PEAK1: variants seen among roughly 807,000 people sequenced by gnomAD.
PEAK1 encodes the protein pseudopodium enriched atypical kinase 1, also known as inactive tyrosine-protein kinase PEAK1.
Under a neutral mutation model 124.7 loss-of-function variants are expected in PEAK1, and 54 were observed. The ratio of observed to expected loss-of-function variants is 0.43; its 90% CI spans 0.35 to 0.54. The LOEUF is 0.54. PEAK1 is among the 20% of genes least tolerant of loss of function. The pLI is 0.01. For synonymous variants in PEAK1, 719 were observed against 760.0 expected, an observed-to-expected ratio of 0.95 and a Z score of 0.89; for missense variants, 2,046 against 2,134.5, an observed-to-expected ratio of 0.96 and a Z score of 0.82.
Position 77,351,612 on chromosome 15 carries a change from C to T in PEAK1, c.-603+13551G>A, listed in dbSNP as rs763637276. On this transcript the variant is annotated intron_variant, in intron 2 of 9. Transcript: ENST00000682557. ...GCCCGTATGCTCAGGCCCACTCCCA[C>T]ACTGTGGCATGTACGTTCATTTTCA... The T allele has an allele frequency of 1.9e-4, 140 of 720,434 alleles. 1 individual carries two copies. Among genetic ancestry groups the T allele is most frequent in the Non-Finnish European group, 2.3e-4 (135 of 588,514 alleles). 44.6% of individuals were successfully genotyped at this position (720,434 alleles called of 1,614,324 possible).
intron 6 of PEAK1, among the ~76,000 whole-genome samples, chr15:77,191,574 A>G (rs1424488753): frequency 6.6e-6 from 1 of 152,212 alleles, no homozygotes; most frequent in African/African-American, 2.4e-5. Context: ...AACATACTCC[A>G]AGTTCTGAGC....
intron 5 of PEAK1, among the ~76,000 whole-genome samples, chr15:77,278,189 G>A (rs182501178): frequency 6.6e-6 from 1 of 152,198 alleles, no homozygotes; most frequent in East Asian, 1.9e-4. Flanking sequence ...GAAGTCTTTT[G>A]AAGAAACACT....
At chr15:77,230,465 C>T (rs1440533322) in intron 6 of PEAK1, among the ~76,000 whole-genome samples, 1 of 152,142 alleles carries the variant, frequency 6.6e-6, no homozygotes, top group Non-Finnish European at 1.5e-5. Flanking sequence ...TCTCAAAGTG[C>T]TGGGATTACA....
At chr15:77,281,830 A>T (rs72742491) in intron 5 of PEAK1, among the ~76,000 whole-genome samples, 278 of 152,290 alleles carry the variant, frequency 1.8e-3, no homozygotes, top group Non-Finnish European at 3.3e-3. Flanking sequence ...CGATAAATTC[A>T]AATAACTGGG....
chr15:77,406,874 T>C (rs1169957949), intron 1 of PEAK1, among the ~76,000 whole-genome samples: 3 of 152,186 alleles, frequency 2.0e-5, no homozygotes, highest in Non-Finnish European at 2.9e-5. Context: ...CTTCAAACTA[T>C]ACTGTAAGGC....
At chr15:77,282,943 A>G (rs747287027) in intron 5 of PEAK1, among the ~76,000 whole-genome samples, 1 of 152,180 alleles carries the variant, frequency 6.6e-6, no homozygotes, top group African/African-American at 2.4e-5. Flanking sequence ...AAACCTTTGC[A>G]TATGTTTTGA....
At chr15:77,322,659 T>C (rs1022532088) in intron 2 of PEAK1, among the ~76,000 whole-genome samples, 1 of 152,004 alleles carries the variant, frequency 6.6e-6, no homozygotes, top group East Asian at 1.9e-4. Context: ...CCAAAAAAAG[T>C]CCAGGACCAG....
intron 5 of PEAK1, among the ~76,000 whole-genome samples, chr15:77,277,139 A>G (rs562094066): frequency 6.6e-6 from 1 of 152,322 alleles, no homozygotes; most frequent in East Asian, 1.9e-4. Context: ...AACTAACTAT[A>G]TCAGCAATAA....
chr15:77,341,940 C>T lies in PEAK1; in HGVS notation c.-603+23223G>A, dbSNP rs367957138. Among the ~76,000 whole-genome samples, 23 of 152,092 alleles carry T rather than the reference C, an allele frequency of 1.5e-4. No homozygotes were observed. The East Asian group carries it at 2.1e-3, about 14-fold the overall frequency. Reference sequence around the variant, plus strand: ...TCTAAAACTGATCTAAAAATTAAGACTTTATTTTTTAGAACAGTTTTAGAT... The same window carrying T: ...TCTAAAACTGATCTAAAAATTAAGATTTTATTTTTTAGAACAGTTTTAGAT... On this transcript the variant is annotated intron_variant, in intron 2 of 9. Coordinates refer to ENST00000682557, the MANE Select transcript of PEAK1 (RefSeq NM_001385026.1).
chr15:77,391,583 G>A (rs1263767994), intron 1 of PEAK1, among the ~76,000 whole-genome samples: 1 of 148,390 alleles, frequency 6.7e-6, no homozygotes, highest in Non-Finnish European at 1.5e-5. Context: ...AAAGCAATAT[G>A]ATTTGATGGT....
intron 2 of PEAK1, among the ~76,000 whole-genome samples, chr15:77,340,703 T>A (rs996941014): frequency 9.9e-5 from 15 of 152,194 alleles, no homozygotes; most frequent in African/African-American, 3.4e-4. Context: ...GTTTCAACCA[T>A]AACAGTGTAT....
chr15:77,220,803 C>T (rs2059353858), intron 6 of PEAK1, among the ~76,000 whole-genome samples: 1 of 151,906 alleles, frequency 6.6e-6, no homozygotes, highest in Non-Finnish European at 1.5e-5. Flanking sequence ...CTATATGTCT[C>T]ATAGACAGTA....
At chr15:77,285,716 AT>A (rs550452119) in intron 3 of PEAK1, among the ~76,000 whole-genome samples, 53 of 151,030 alleles carry the variant, frequency 3.5e-4, no homozygotes, top group East Asian at 5.8e-4. Flanking sequence ...CCCCTATGTC[AT>A]TTTTTTTTAT....
At chr15:77,387,031 C>T (rs1434265394) in intron 1 of PEAK1, among the ~76,000 whole-genome samples, 5 of 152,126 alleles carry the variant, frequency 3.3e-5, no homozygotes, top group African/African-American at 7.2e-5. Flanking sequence ...AAAGTGCAGA[C>T]GTATAAGTTT....
At chr15:77,279,270 T>A (rs1248335805) in intron 5 of PEAK1, among the ~76,000 whole-genome samples, 4 of 151,966 alleles carry the variant, frequency 2.6e-5, no homozygotes, top group South Asian at 2.1e-4. Context: ...TTGAGAGACT[T>A]CTTCTTGGAT....
chr15:77,311,822 G>A (rs2064485518), intron 2 of PEAK1, among the ~76,000 whole-genome samples: 1 of 152,030 alleles, frequency 6.6e-6, no homozygotes, highest in Admixed American at 6.6e-5. Context: ...GGATAGCCAC[G>A]CAGGTTCAGA....
intron 1 of PEAK1, among the ~76,000 whole-genome samples, chr15:77,372,727 T>C (rs1211921346): frequency 6.6e-6 from 1 of 152,112 alleles, no homozygotes; most frequent in African/African-American, 2.4e-5. Context: ...TAATCCCCAA[T>C]GTTGGAGGTG....
At chr15:77,269,002 C>A (rs1469205621) in intron 5 of PEAK1, among the ~76,000 whole-genome samples, 1 of 151,824 alleles carries the variant, frequency 6.6e-6, no homozygotes, top group Non-Finnish European at 1.5e-5. Context: ...ACTACGAGCA[C>A]CGCTAAAAGG....
At chr15:77,183,359 G>T (rs577188654) in intron 6 of PEAK1, among the ~76,000 whole-genome samples, 1 of 152,238 alleles carries the variant, frequency 6.6e-6, no homozygotes, top group African/African-American at 2.4e-5. Flanking sequence ...TCTACAAATT[G>T]CAGGATTTCC....
Sources: allele counts gnomAD v4.1 joint callset (sites outside exome capture counted in the v4.1 genomes callset), GRCh38; gene constraint gnomAD v4.1.1; transcripts MANE v1.5; gene names NCBI Gene and HGNC (gene_info 2026-07-23, HGNC 2026-07-21).